Variants in CALR3 observed in about 807,000 individuals in gnomAD.
CALR3 encodes calreticulin 3.
CALR3 carries 39 observed loss-of-function variants against 48.7 expected under a neutral mutation model. The observed-to-expected ratio is 0.80, with a 90% CI of 0.62 to 1.05. CALR3 has a LOEUF of 1.05. Among genes scored for constraint, CALR3 ranks in the 50% least tolerant of loss-of-function variants. The pLI is 0.00. For missense variants in CALR3, 449 were observed against 474.7 expected, an observed-to-expected ratio of 0.95 and a Z score of 0.50; for synonymous variants, 185 against 172.7, an observed-to-expected ratio of 1.07 and a Z score of -0.56.
intron 3 of CALR3, among the ~76,000 whole-genome samples, chr19:16,486,054 T>C (rs896549361): frequency 1.3e-5 from 2 of 152,034 alleles, no homozygotes; most frequent in Admixed American, 1.3e-4. Context: ...ATATTCAAAG[T>C]GGCCTGCTAA....
At chr19:16,483,686 C>G (rs1274551168) in intron 5 of CALR3, 6 of 460,730 alleles carry the variant, frequency 1.3e-5, no homozygotes, top group Non-Finnish European at 2.4e-5. Flanking sequence ...CCACTGCACT[C>G]CAGCCTGGGC....
At chr19:16,492,744 C>T (rs889602354) in intron 2 of CALR3, among the ~76,000 whole-genome samples, 5 of 151,114 alleles carry the variant, frequency 3.3e-5, no homozygotes, top group African/African-American at 1.2e-4. Context: ...TGGTGGCAGG[C>T]GCCTGTAGTT....
intron 2 of CALR3, among the ~76,000 whole-genome samples, chr19:16,494,906 G>C (rs2093403944): frequency 6.6e-6 from 1 of 152,080 alleles, no homozygotes; most frequent in Admixed American, 6.6e-5. Context: ...ATGTCTCCTT[G>C]GACTTCAGGG....
At chr19:16,493,542 A>ATTTTTTTTTTTTTTTTTTTTTTTTT (rs3032114) in intron 2 of CALR3, among the ~76,000 whole-genome samples, 3 of 72,928 alleles carry the variant, frequency 4.1e-5, no homozygotes, top group Non-Finnish European at 5.4e-5. Flanking sequence ...TGAAGCTAGA[A>ATTTTTTTTTTTTTTTTTTTTTTTTT]TTTTTTTTTT....
intron 3 of CALR3, among the ~76,000 whole-genome samples, chr19:16,487,496 AAAC>A (rs1568486660): frequency 1.2e-4 from 18 of 151,560 alleles, no homozygotes; most frequent in Admixed American, 9.2e-4. Flanking sequence ...AAAAAAAAAA[AAAC>A]ATTTTGTAGA....
chr19:16,480,381 C>T (rs977104661), intron 8 of CALR3, among the ~76,000 whole-genome samples: 8 of 150,874 alleles, frequency 5.3e-5, no homozygotes, highest in Non-Finnish European at 1.0e-4. Flanking sequence ...GTGAAACCCC[C>T]TCTCTACTAA....
chr19:16,495,109 G>A (rs1016903157), intron 2 of CALR3, among the ~76,000 whole-genome samples: 14 of 150,330 alleles, frequency 9.3e-5, no homozygotes, highest in Non-Finnish European at 3.0e-5. Flanking sequence ...GCTTGTAATC[G>A]CAGCTCCTCA....
At chr19:16,480,187 C>T (rs538441502) in intron 8 of CALR3, among the ~76,000 whole-genome samples, 2 of 114,832 alleles carry the variant, frequency 1.7e-5, no homozygotes, top group South Asian at 3.0e-4. Context: ...GGCGACAGAG[C>T]GAGACTCCGT....
At position 16,483,951 on chromosome 19, in the gene CALR3, C is replaced by T. The variant is rs764373762; in HGVS notation, c.657G>A (p.Gln219=). The change falls in exon 5 of 9, where the codon CAG becomes CAA. Residue 219 remains glutamine, a synonymous_variant. Transcript: ENST00000269881. The part of the protein sequence containing the change: ...TSPAESKDWE[Q]TKDNKAQDWE... ...ACACCTGGGCTTTGTTGTCTTTAGT[C>T]TGTTCCCAATCCTTCGATTCTGCCG... 5 of 1,614,036 alleles carry T rather than the reference C, an allele frequency of 3.1e-6. No individual in the cohort carries two copies. The highest frequency in any genetic ancestry group is 4.2e-6 in the Non-Finnish European group (5 of 1,180,012).
At chr19:16,493,390 G>T (rs2093400901) in intron 2 of CALR3, among the ~76,000 whole-genome samples, 2 of 152,170 alleles carry the variant, frequency 1.3e-5, no homozygotes, top group African/African-American at 4.8e-5. Flanking sequence ...CTAGAAAGAT[G>T]CTGAAATTCT....
At chr19:16,492,155 T>C (rs1026649745) in intron 2 of CALR3, among the ~76,000 whole-genome samples, 11 of 151,798 alleles carry the variant, frequency 7.2e-5, no homozygotes, top group Admixed American at 3.9e-4. Flanking sequence ...TGAAAGCAAA[T>C]ACAATTTAAA....
chr19:16,482,650 C>T lies in CALR3; in HGVS notation c.786+28G>A, dbSNP rs190012799. 740 of 1,614,122 alleles carry T rather than the reference C, an allele frequency of 4.6e-4. 3 individuals are homozygous for T. The African/African-American group carries it at 6.4e-3, about 14-fold the overall frequency. On this transcript the variant is annotated intron_variant, in intron 6 of 8. Transcript: ENST00000269881. ...AGCGGAGGGGCAGCCCTGGGGCATC[C>T]CTGGCATCATACAAAGAGGCCACAC...
chr19:16,492,272 C>T (rs2093399216), intron 2 of CALR3, among the ~76,000 whole-genome samples: 1 of 152,084 alleles, frequency 6.6e-6, no homozygotes, highest in South Asian at 2.1e-4. Flanking sequence ...GCCTGGCCAA[C>T]GTGGGGAAAC....
intron 4 of CALR3, 93 bp from the exon 5 acceptor site, chr19:16,484,208 C>G: frequency 8.4e-7 from 1 of 1,195,742 alleles, no homozygotes; most frequent in Non-Finnish European, 1.2e-6. Context: ...GATGGAGTCT[C>G]ACTCTGTCGC....
chr19:16,488,098 C>T (rs2122138965), intron 3 of CALR3, among the ~76,000 whole-genome samples: 1 of 152,190 alleles, frequency 6.6e-6, no homozygotes, highest in Admixed American at 6.6e-5. Context: ...CAGGTGTGAG[C>T]CACCGCGCCC....
intron 5 of CALR3, 79 bp downstream of exon 5, chr19:16,483,851 A>G: frequency 6.9e-7 from 1 of 1,458,660 alleles, no homozygotes; most frequent in Non-Finnish European, 9.5e-7. Flanking sequence ...GCTACCAGCC[A>G]TGCAGCAATT....
At chr19:16,484,656 C>T (rs1370487583) in intron 4 of CALR3, among the ~76,000 whole-genome samples, 1 of 151,804 alleles carries the variant, frequency 6.6e-6, no homozygotes, top group African/African-American at 2.4e-5. Context: ...TAGCTGGGAC[C>T]ACAGGTTCCT....
intron 8 of CALR3, among the ~76,000 whole-genome samples, chr19:16,479,756 T>TCAAAACAAAACAAAA (rs527383415): frequency 6.6e-6 from 1 of 150,988 alleles, no homozygotes; most frequent in Non-Finnish European, 1.5e-5. Context: ...AAAACCCGTC[T>TCAAAACAAAACAAAA]CAAAACAAAA....
chr19:16,490,337 A>C, intron 3 of CALR3, 30 bp downstream of exon 3: 3 of 1,596,714 alleles, frequency 1.9e-6, no homozygotes, highest in Non-Finnish European at 2.6e-6. Context: ...AAGTCACTAG[A>C]AGTGGTTGTG....
Sources: allele counts gnomAD v4.1 joint callset (sites outside exome capture counted in the v4.1 genomes callset), GRCh38; gene constraint gnomAD v4.1.1; transcripts MANE v1.5; gene names NCBI Gene and HGNC (gene_info 2026-07-23, HGNC 2026-07-21).